EIF4H: variants seen among roughly 807,000 people sequenced by gnomAD.
EIF4H encodes Williams-Beuren syndrome chromosome region 1.
EIF4H carries 8 observed loss-of-function variants against 30.6 expected under a neutral mutation model. The ratio of observed to expected loss-of-function variants is 0.26; its 90% confidence interval spans 0.15 to 0.47. The LOEUF is 0.47. Among genes scored for constraint, EIF4H ranks in the 20% least tolerant of loss-of-function variants. The pLI, the probability that EIF4H is intolerant of heterozygous loss-of-function variation, is 0.99. For missense variants in EIF4H, 188 were observed against 339.5 expected (o/e 0.55, Z 3.51); for synonymous variants, 106 against 122.7 (o/e 0.86, Z 0.90).
intron 1 of EIF4H, among the ~76,000 whole-genome samples, chr7:74,175,630 G>GA (rs1163170313): frequency 6.6e-6 from 1 of 152,054 alleles, no homozygotes. Context: ...AATAAAAAAA[G>GA]AAGTAAATGT....
Position 74,174,437 on chromosome 7 carries a change from C to T in EIF4H, c.54C>T (p.Gly18=). Residue 18 remains glycine (G), a synonymous_variant, in exon 1 of 7, where the codon GGC becomes GGT. Coordinates refer to ENST00000265753, the MANE Select transcript of EIF4H (RefSeq NM_022170.2). The part of the protein sequence containing the change: ...DDRAYSSFGG[G]RGSRGSAGGH... The stretch of plus-strand genomic sequence containing the variant: ...GGGCCTACAGCAGCTTCGGCGGCGG[C>T]AGAGGGTGAGGCGGGCGTGCGCGGG... 6.9e-7 allele frequency: 1 copy of T among 1,443,322 alleles called. No individual in the cohort carries two copies. Among genetic ancestry groups the T allele is most frequent in the Non-Finnish European group, 9.2e-7 (1 of 1,083,506 alleles). 89.4% of individuals were successfully genotyped at this position (1,443,322 alleles called of 1,614,324 possible).
intron 5 of EIF4H, among the ~76,000 whole-genome samples, chr7:74,192,074 C>T (rs536254154): frequency 7.9e-5 from 12 of 152,202 alleles, no homozygotes; most frequent in East Asian, 7.7e-4. Flanking sequence ...CCACCGCGCC[C>T]GGCCCCCACC....
At chr7:74,190,383 C>T (rs757780504) in intron 5 of EIF4H, 77 bp downstream of exon 5, 44 of 1,438,134 alleles carry the variant, frequency 3.1e-5, no homozygotes, top group Admixed American at 8.5e-5. Flanking sequence ...ACGAGTAGCC[C>T]GCCTGGCCGG....
In EIF4H at chr7:74,180,946, C is replaced by T. The variant is rs936549352; in HGVS notation, c.59+6504C>T. On this transcript the variant is annotated intron_variant, in intron 1 of 6. Transcript: ENST00000265753. ...TAGAGACAGGGTCTCCCTTTGTTGC[C>T]TAAGCTGGTCTTGAACTAGCCTCAA... Among the ~76,000 whole-genome samples the T allele has an allele frequency of 4.6e-5, 7 of 152,260 alleles. No homozygotes were observed. The East Asian group carries it at 9.6e-4, about 21-fold the overall frequency.
intron 1 of EIF4H, among the ~76,000 whole-genome samples, chr7:74,184,265 T>G (rs1801033023): frequency 6.6e-6 from 1 of 152,208 alleles, no homozygotes; most frequent in South Asian, 2.1e-4. Context: ...GGGCTTCCTG[T>G]GCTCAATCAG....
intron 6 of EIF4H, 64 bp downstream of exon 6, chr7:74,194,942 C>T: frequency 6.5e-7 from 1 of 1,541,054 alleles, no homozygotes; most frequent in Non-Finnish European, 8.8e-7. Flanking sequence ...CCGGTTCACA[C>T]CCCGTGGGGA....
At chr7:74,176,269 C>T (rs1429852790) in intron 1 of EIF4H, among the ~76,000 whole-genome samples, 1 of 148,664 alleles carries the variant, frequency 6.7e-6, no homozygotes, top group Non-Finnish European at 1.5e-5. Flanking sequence ...TGGAGTTTCA[C>T]TCTTGTTGCC....
Position 74,193,300 on chromosome 7 carries a change from G to A in EIF4H, c.470-1441G>A, listed in dbSNP as rs569596631. Among the ~76,000 whole-genome samples, 10 of 152,288 alleles carry A rather than the reference G, an allele frequency of 6.6e-5. No homozygotes were observed. The South Asian group carries it at 2.1e-3, about 32-fold the overall frequency. On this transcript the variant is annotated intron_variant, in intron 5 of 6. Transcript: ENST00000265753. The stretch of plus-strand genomic sequence containing the variant: ...TAACTGAAACAGGCAGAGCATTATC[G>A]TTTTCTGCCTCAGCTGGGATCGTCG...
At chr7:74,187,440 T>A (rs1285611176) in intron 1 of EIF4H, among the ~76,000 whole-genome samples, 171 bp from the exon 2 acceptor site, 1 of 152,138 alleles carries the variant, frequency 6.6e-6, no homozygotes, top group African/African-American at 2.4e-5. Flanking sequence ...CAAAAAATTT[T>A]TCTTTTCCTT....
chr7:74,185,642 T>C (rs1801064440), intron 1 of EIF4H, among the ~76,000 whole-genome samples: 1 of 152,058 alleles, frequency 6.6e-6, no homozygotes, highest in Admixed American at 6.6e-5. Context: ...CTTTAATGAA[T>C]AATATTTGTC....
At chr7:74,194,719 C>G (rs782503481) in intron 5 of EIF4H, 22 bp from the exon 6 acceptor site, 2 of 1,548,104 alleles carry the variant, frequency 1.3e-6, no homozygotes, top group Non-Finnish European at 1.8e-6. Flanking sequence ...AAAAGTAATT[C>G]AGTGTCCTGT....
intron 1 of EIF4H, among the ~76,000 whole-genome samples, chr7:74,182,294 A>T (rs1221264553): frequency 1.3e-5 from 2 of 152,216 alleles, no homozygotes; most frequent in African/African-American, 4.8e-5. Context: ...GGTAGTATAA[A>T]TGGTATTTAT....
intron 2 of EIF4H, among the ~76,000 whole-genome samples, chr7:74,188,952 A>G (rs1801146604): frequency 6.6e-6 from 1 of 152,188 alleles, no homozygotes. Flanking sequence ...CCTTTAGAGC[A>G]CTTGCGGTCT....
In EIF4H at chr7:74,183,339, G is replaced by T. The variant is rs138336446; in HGVS notation, c.60-4272G>T. Among the ~76,000 whole-genome samples, 49 of 152,292 alleles carry T rather than the reference G, an allele frequency of 3.2e-4. No individual in the cohort carries two copies. In the East Asian group the frequency reaches 9.5e-3, roughly 29 times the overall value. ...TGGCACGCTCTGCTGATCTGTTCCT[G>T]TTCTACACGCACTCCTGCCAGCCCA... is the stretch of plus-strand genomic sequence containing the variant. On this transcript the variant is annotated intron_variant, in intron 1 of 6. Coordinates refer to ENST00000265753, the MANE Select transcript of EIF4H (RefSeq NM_022170.2).
At chr7:74,192,167 G>A (rs1001026259) in intron 5 of EIF4H, among the ~76,000 whole-genome samples, 1 of 152,248 alleles carries the variant, frequency 6.6e-6, no homozygotes, top group East Asian at 1.9e-4. Context: ...ATTGGTGGTC[G>A]AAATCATTTA....
Position 74,190,237 on chromosome 7 carries a change from G to A in EIF4H, c.410-10G>A. The A allele has an allele frequency of 6.2e-7, 1 of 1,612,548 alleles. No individual in the cohort carries two copies. Among genetic ancestry groups the A allele is most frequent in the African/African-American group, 1.3e-5 (1 of 74,928 alleles). Reference sequence around the variant, plus strand: ...ACGACCTCAACTTTATCTTTTTTGTGTATCCTCAGGAATGGGTAGCTCTCG... The same window carrying A: ...ACGACCTCAACTTTATCTTTTTTGTATATCCTCAGGAATGGGTAGCTCTCG... On this transcript the variant is annotated splice_polypyrimidine_tract_variant and intron_variant, in intron 4 of 6. Transcript: ENST00000265753.
chr7:74,191,626 G>A (rs1218628716), intron 5 of EIF4H, among the ~76,000 whole-genome samples: 1 of 151,950 alleles, frequency 6.6e-6, no homozygotes, highest in Non-Finnish European at 1.5e-5. Flanking sequence ...AATGATACCT[G>A]CTCATGTAAA....
In EIF4H at chr7:74,174,388, C is replaced by G. The variant is rs1210127883; in HGVS notation, c.5C>G (p.Ala2Gly). 1 of 1,458,228 alleles carries G rather than the reference C, an allele frequency of 6.9e-7. No individual in the cohort carries two copies. Among genetic ancestry groups the G allele is most frequent in the Non-Finnish European group, 9.2e-7 (1 of 1,091,008 alleles). 90.3% of individuals were successfully genotyped at this position (1,458,228 alleles called of 1,614,324 possible). Reference sequence around the variant, plus strand: ...CTCTCGGAGCGGAGACGGCAAATGGCGGACTTCGACACCTACGACGATCGG... The same window carrying G: ...CTCTCGGAGCGGAGACGGCAAATGGGGGACTTCGACACCTACGACGATCGG... MADFDTYDDRAY... is the reference protein window; with the variant it reads MGDFDTYDDRAY... The change falls in exon 1 of 7, where the codon GCG (alanine) becomes GGG (glycine). Residue 2 changes from alanine (A) to glycine (G), a missense_variant. Physicochemically the swap from Ala to Gly is moderately conservative, Grantham distance 60. Around this residue, in one of 4 missense-constraint regions of EIF4H, gnomAD observed 43 missense variants for 43.4 expected, o/e 0.99. Transcript: ENST00000265753.
At chr7:74,175,604 G>T (rs1390614249) in intron 1 of EIF4H, among the ~76,000 whole-genome samples, 1 of 152,082 alleles carries the variant, frequency 6.6e-6, no homozygotes, top group Admixed American at 6.6e-5. Flanking sequence ...TCATTCCAAA[G>T]AACATTTTAT....
Sources: allele counts gnomAD v4.1 joint callset (sites outside exome capture counted in the v4.1 genomes callset), GRCh38; gene constraint gnomAD v4.1.1; regional missense constraint gnomAD v4.1.1; transcripts MANE v1.5; gene names NCBI Gene and HGNC (gene_info 2026-07-23, HGNC 2026-07-21).